ANXA5: variants seen among roughly 807,000 people sequenced by gnomAD.
ANXA5 encodes CBP-I.
ANXA5 carries 40 observed loss-of-function variants against 48.1 expected under a neutral mutation model. That is an observed-to-expected ratio of 0.83 (90% CI 0.65 to 1.08). ANXA5 has a LOEUF of 1.08. ANXA5 is among the 50% of genes least tolerant of loss of function. The pLI is 0.00. For missense variants in ANXA5, 357 were observed against 376.8 expected (o/e 0.95, Z 0.44); for synonymous variants, 113 against 129.1 (o/e 0.88, Z 0.85).
At chr4:121,681,998 T>C (rs925297962) in intron 5 of ANXA5, among the ~76,000 whole-genome samples, 4 of 152,192 alleles carry the variant, frequency 2.6e-5, no homozygotes, top group Non-Finnish European at 5.9e-5. Context: ...CATGTGTATG[T>C]GTGTATATAT....
chr4:121,690,477 T>C (rs1250545672), intron 2 of ANXA5, among the ~76,000 whole-genome samples: 3 of 152,088 alleles, frequency 2.0e-5, no homozygotes, highest in African/African-American at 4.8e-5. Context: ...TTTGGTGGTG[T>C]TTAACAGTCT....
chr4:121,684,140 A>G (rs2110486305), intron 4 of ANXA5, among the ~76,000 whole-genome samples: 1 of 152,338 alleles, frequency 6.6e-6, no homozygotes, highest in South Asian at 2.1e-4. Context: ...TTTTCAGAAT[A>G]ACAAGACTAC....
chr4:121,696,430 A>T lies in ANXA5; in HGVS notation c.9+151T>A, dbSNP rs1459894464. 4.2e-6 allele frequency: 3 copies of T among 721,196 alleles called. No individual in the cohort carries two copies. In the African/African-American group the frequency reaches 5.6e-5, roughly 14 times the overall value. The allele number at this position is 721,196 out of a possible 1,614,324, so 44.7% of individuals were successfully genotyped here. A position where few individuals can be genotyped will look rare whatever the true frequency, so the allele number is the denominator to read the frequency against. On this transcript the variant is annotated intron_variant, in intron 2 of 12. Transcript: ENST00000296511. The stretch of plus-strand genomic sequence containing the variant: ...ACACAGAAACGGGGGCAGGGAAGCA[A>T]AGGGGGAACAAGAAAAGTGGAAGCG...
intron 6 of ANXA5, 83 bp from the exon 7 acceptor site, chr4:121,678,577 T>A (rs934838426): frequency 1.8e-5 from 20 of 1,123,800 alleles, no homozygotes; most frequent in Non-Finnish European, 2.4e-5. Flanking sequence ...ATGAAAGCGA[T>A]GTAAAAGAAG....
At chr4:121,685,179 A>G (rs979497949) in intron 3 of ANXA5, among the ~76,000 whole-genome samples, 1 of 151,730 alleles carries the variant, frequency 6.6e-6, no homozygotes. Flanking sequence ...AATATATTCT[A>G]CCCCCCATTC....
intron 7 of ANXA5, 27 bp from the exon 8 acceptor site, chr4:121,677,977 T>C (rs1307495274): frequency 1.3e-6 from 2 of 1,587,344 alleles, no homozygotes; most frequent in African/African-American, 1.3e-5. Flanking sequence ...GTCACATTAC[T>C]GAACTATAGA....
chr4:121,671,618 GAT>G lies in ANXA5; in HGVS notation c.648_649del (p.Ser217ArgfsTer5), dbSNP rs1578439591. 6.2e-7 allele frequency: 1 copy of G among 1,612,618 alleles called. No homozygotes were observed. The highest frequency in any genetic ancestry group is 8.5e-7 in the Non-Finnish European group (1 of 1,178,800). On this transcript the variant is annotated frameshift_variant, in exon 10 of 13. Transcript: ENST00000296511. LOFTEE classifies it high-confidence loss of function. ...AATGGTTTCCTCAATTTGAAATCCT[GAT>G]ATAGTCATGTACTTGTCAAACACTA...
In ANXA5 at chr4:121,696,932, G is replaced by A. The variant is rs1276604265; in HGVS notation, c.-105C>T. On this transcript the variant is annotated 5_prime_UTR_variant, in exon 1 of 13. Transcript: ENST00000296511. ...GGAGAGCCGGGCGACGGTACGCGGG[G>A]CGACGCCGAGATGCAGACGCTGAAG... The A allele has an allele frequency of 4.4e-6, 1 of 228,302 alleles. No homozygotes were observed. Among genetic ancestry groups the A allele is most frequent in the Non-Finnish European group, 8.5e-6 (1 of 117,692 alleles). The allele number at this position is 228,302 out of a possible 1,614,324, so 14.1% of individuals were successfully genotyped here.
At chr4:121,671,220 G>C (rs935319469) in intron 10 of ANXA5, among the ~76,000 whole-genome samples, 1 of 152,050 alleles carries the variant, frequency 6.6e-6, no homozygotes, top group African/African-American at 2.4e-5. Flanking sequence ...AATTCCACAG[G>C]TATCAGAAAT....
At chr4:121,681,057 G>T (rs559517264) in intron 6 of ANXA5, among the ~76,000 whole-genome samples, 1 of 152,224 alleles carries the variant, frequency 6.6e-6, no homozygotes, top group South Asian at 2.1e-4. Flanking sequence ...AAGAAATCTG[G>T]TAAGAAAAGG....
chr4:121,689,471 G>A (rs1159201245), intron 2 of ANXA5, among the ~76,000 whole-genome samples: 1 of 152,190 alleles, frequency 6.6e-6, no homozygotes, highest in Non-Finnish European at 1.5e-5. Flanking sequence ...AGGGCAATGT[G>A]AGCACATTTG....
intron 3 of ANXA5, 100 bp downstream of exon 3, chr4:121,686,187 AT>A: frequency 1.1e-6 from 1 of 905,630 alleles, no homozygotes; most frequent in Non-Finnish European, 1.7e-6. Flanking sequence ...TCTCCTACAG[AT>A]TTCAGATCAA....
intron 6 of ANXA5, among the ~76,000 whole-genome samples, chr4:121,678,860 C>T (rs111567789): frequency 0.018 from 2,710 of 152,248 alleles, 77 homozygotes; most frequent in South Asian, 0.07. Context: ...ATATGGTTAG[C>T]TTCCAAATGT....
Position 121,668,494 on chromosome 4 carries a change from G to A in ANXA5, c.937C>T (p.Leu313=). The A allele has an allele frequency of 3.1e-6, 5 of 1,613,516 alleles. No homozygotes were observed. Among genetic ancestry groups the A allele is most frequent in the Non-Finnish European group, 4.2e-6 (5 of 1,179,592 alleles). The stretch of plus-strand genomic sequence containing the variant: ...TAGTCATCTTCTCCACAGAGCAGCA[G>A]AAGAGCTTTCTTATAGTCCCCAGAT... ...DTSGDYKKAL[L]LLCGEDD Residue 313 remains leucine, a synonymous_variant, in exon 13 of 13, where the codon CTG becomes TTG. Transcript: ENST00000296511.
rs143611875 is a variant in ANXA5 at position 121,675,710 on chromosome 4, C to T, written c.531+2184G>A. Among the ~76,000 whole-genome samples the T allele has an allele frequency of 1.1e-3, 165 of 152,288 alleles. 2 individuals carry two copies. Among genetic ancestry groups the T allele is most frequent in the African/African-American group, 3.6e-3 (151 of 41,558 alleles). ...TGACACGTAAGTGTCACCTATACAGCCTCAGTAATCAAAGGACCAAGAATG... is the reference window on the plus strand; with the variant it reads ...TGACACGTAAGTGTCACCTATACAGTCTCAGTAATCAAAGGACCAAGAATG... On this transcript the variant is annotated intron_variant, in intron 8 of 12. Transcript: ENST00000296511.
chr4:121,692,109 C>T (rs556218454), intron 2 of ANXA5, among the ~76,000 whole-genome samples: 1 of 152,134 alleles, frequency 6.6e-6, no homozygotes, highest in Non-Finnish European at 1.5e-5. Context: ...CCTTTTCATG[C>T]TCCATCTTAC....
chr4:121,675,424 C>T (rs1191491553), intron 8 of ANXA5, among the ~76,000 whole-genome samples: 1 of 152,184 alleles, frequency 6.6e-6, no homozygotes, highest in Admixed American at 6.5e-5. Context: ...GCCCTTGCTA[C>T]GAGGTACAAG....
At chr4:121,669,454 T>C in intron 12 of ANXA5, 148 bp downstream of exon 12, 1 of 976,056 alleles carries the variant, frequency 1.0e-6, no homozygotes, top group African/African-American at 1.6e-5. Context: ...CAGGAAACAT[T>C]ATGCTAAGCT....
At chr4:121,679,649 T>C (rs2110483598) in intron 6 of ANXA5, among the ~76,000 whole-genome samples, 1 of 152,234 alleles carries the variant, frequency 6.6e-6, no homozygotes, top group Admixed American at 6.5e-5. Context: ...CTCTCCACAG[T>C]CCAGTCTCCA....
Sources: allele counts gnomAD v4.1 joint callset (sites outside exome capture counted in the v4.1 genomes callset), GRCh38; gene constraint gnomAD v4.1.1; transcripts MANE v1.5; gene names NCBI Gene and HGNC (gene_info 2026-07-23, HGNC 2026-07-21).